The following EPG5 variants were observed in gnomAD, a reference collection of about 807,000 sequenced individuals.
The protein encoded by EPG5 is ectopic P granules protein 5 homolog.
A neutral mutation model predicts 302.7 loss-of-function variants in EPG5; 159 were observed. That is an observed-to-expected ratio of 0.53 (90% confidence interval 0.46 to 0.60). The LOEUF (loss-of-function observed/expected upper bound fraction) is 0.60. Ranked by LOEUF, EPG5 falls within the 20% of genes least tolerant of loss-of-function variation. The pLI, the probability that EPG5 is intolerant of heterozygous loss-of-function variation, is 0.00. For missense variants in EPG5, 2,896 were observed against 3,092.4 expected, an observed-to-expected ratio of 0.94 and a Z score of 1.51; for synonymous variants, 1,158 against 1,136.8, an observed-to-expected ratio of 1.02 and a Z score of -0.37.
At chr18:45,897,366 A>C (rs1190785386) in intron 27 of EPG5, among the ~76,000 whole-genome samples, 1 of 152,278 alleles carries the variant, frequency 6.6e-6, no homozygotes, top group Non-Finnish European at 1.5e-5. Flanking sequence ...TGGCAAAGAT[A>C]TGTAGTTTTA....
At chr18:45,933,624 G>A (rs557267022) in intron 11 of EPG5, among the ~76,000 whole-genome samples, 1 of 151,736 alleles carries the variant, frequency 6.6e-6, no homozygotes, top group South Asian at 2.1e-4. Flanking sequence ...GTTGCAGGGA[G>A]CTGAAGTTGC....
chr18:45,893,408 T>C (rs1158233346), intron 27 of EPG5, among the ~76,000 whole-genome samples: 1 of 151,926 alleles, frequency 6.6e-6, no homozygotes, highest in Non-Finnish European at 1.5e-5. Context: ...CTACTAAAAA[T>C]ACAAAAATTA....
In EPG5 at chr18:45,884,797, G is replaced by A. The variant is rs1568121422; in HGVS notation, c.5124C>T (p.Gly1708=). Residue 1708 remains glycine (G), a synonymous_variant, in exon 30 of 44, where the codon GGC becomes GGT. Coordinates refer to ENST00000282041, the MANE Select transcript of EPG5 (RefSeq NM_020964.3). ...IEILGQVFIS[G]IKSECRKVLE... ...GTACTTTTCTGCACTCTGATTTAAT[G>A]CCACTGATAAATACCTTGGAAAAAT... 1 of 1,556,692 alleles carries A rather than the reference G, an allele frequency of 6.4e-7. No homozygotes were observed. Among genetic ancestry groups the A allele is most frequent in the East Asian group, 2.4e-5 (1 of 40,982 alleles).
intron 29 of EPG5, among the ~76,000 whole-genome samples, chr18:45,887,449 T>A (rs947907472): frequency 2.0e-5 from 3 of 152,198 alleles, no homozygotes; most frequent in Non-Finnish European, 1.5e-5. Context: ...AACTGGGAAG[T>A]ATTTTTATAA....
rs183391028 is a variant in EPG5 at position 45,857,805 on chromosome 18, T to A, written c.7442+48A>T. The A allele has an allele frequency of 1.6e-4, 239 of 1,501,696 alleles. 2 individuals carry two copies. In the Admixed American group the frequency reaches 2.6e-3, roughly 16 times the overall value. 93.0% of individuals were successfully genotyped at this position (1,501,696 alleles called of 1,614,324 possible). ...ATCACAACCTGTAAGTAGGTACAGA[T>A]GTCTGAGGCCTATTTAGAACAACAG... On this transcript the variant is annotated intron_variant, in intron 42 of 43. Coordinates refer to ENST00000282041, the MANE Select transcript of EPG5 (RefSeq NM_020964.3).
chr18:45,931,727 C>T (rs1452671234), intron 11 of EPG5, among the ~76,000 whole-genome samples: 2 of 151,978 alleles, frequency 1.3e-5, no homozygotes, highest in African/African-American at 2.4e-5. Flanking sequence ...CCCAGCTACT[C>T]GGGAGACTGA....
At position 45,866,679 on chromosome 18, in the gene EPG5, T is replaced by C. The variant is rs2048754543; in HGVS notation, c.6621+119A>G. 3 of 779,222 alleles carry C rather than the reference T, an allele frequency of 3.8e-6. No homozygotes were observed. In the East Asian group the frequency reaches 7.3e-5, roughly 19 times the overall value. The allele number at this position is 779,222 out of a possible 1,614,324, so 48.3% of individuals were successfully genotyped here. ...AGGCCAAAAGATGAGTATATGATAA[T>C]ACACATCCTCCGACTTCCTCTGCTG... On this transcript the variant is annotated intron_variant, in intron 38 of 43. Transcript: ENST00000282041.
the EPG5 span, among the ~76,000 whole-genome samples, chr18:45,805,105 T>C: frequency 6.6e-6 from 1 of 152,034 alleles, no homozygotes; most frequent in East Asian, 1.9e-4. Context: ...AAAACATTAA[T>C]ATGTAAATTA....
Position 45,889,926 on chromosome 18 carries a change from A to G in EPG5, c.4824T>C (p.His1608=). The G allele has an allele frequency of 6.3e-7, 1 of 1,596,266 alleles. No homozygotes were observed. Among genetic ancestry groups the G allele is most frequent in the Non-Finnish European group, 8.5e-7 (1 of 1,169,818 alleles). Residue 1608 remains histidine, a synonymous_variant, in exon 28 of 44, where the codon CAT becomes CAC. Coordinates refer to ENST00000282041, the MANE Select transcript of EPG5 (RefSeq NM_020964.3). ...GCTGTTGGCTTATGGCTTCATTCTT[A>G]TGCATGCCTTCAAACTAACAAAAAT... ...AVVTVQFEGM[H]KNEAISQQLH...
At chr18:45,891,742 T>C (rs1244389564) in intron 27 of EPG5, among the ~76,000 whole-genome samples, 1 of 152,292 alleles carries the variant, frequency 6.6e-6, no homozygotes, top group East Asian at 1.9e-4. Flanking sequence ...CTAGAACATA[T>C]AATGTTAACA....
chr18:45,940,971 G>C (rs1158254841), intron 9 of EPG5, among the ~76,000 whole-genome samples: 4 of 152,166 alleles, frequency 2.6e-5, no homozygotes, highest in Admixed American at 2.0e-4. Context: ...GGAGGTGCTC[G>C]GTTGGTAGTT....
chr18:45,811,709 T>C, the EPG5 span, among the ~76,000 whole-genome samples: 1 of 152,134 alleles, frequency 6.6e-6, no homozygotes, highest in Admixed American at 6.5e-5. Flanking sequence ...TTTGACAAAA[T>C]TCAACAACAC....
chr18:45,919,514 G>T (rs1365116693), intron 16 of EPG5, among the ~76,000 whole-genome samples: 15 of 139,874 alleles, frequency 1.1e-4, no homozygotes, highest in Admixed American at 6.4e-4. Context: ...TACATGTGTG[G>T]TTTTTTTTTT....
chr18:45,801,261 C>T, the EPG5 span, among the ~76,000 whole-genome samples: 4 of 152,114 alleles, frequency 2.6e-5, no homozygotes, highest in African/African-American at 9.7e-5. Context: ...TTCTTGAACT[C>T]CTGACCTCAA....
chr18:45,954,097 G>C (rs1269055049), intron 2 of EPG5: 1 of 228,106 alleles, frequency 4.4e-6, no homozygotes, highest in Non-Finnish European at 7.3e-6. Flanking sequence ...AAAATCATAA[G>C]ATGTGGCAAT....
the EPG5 span, among the ~76,000 whole-genome samples, chr18:45,828,077 C>T: frequency 1.3e-5 from 2 of 152,200 alleles, no homozygotes. Flanking sequence ...CTTCTGGGAG[C>T]CTCTCCTCAT....
chr18:45,853,915 C>T (rs569901183), intron 43 of EPG5, among the ~76,000 whole-genome samples: 81 of 152,262 alleles, frequency 5.3e-4, no homozygotes, highest in Non-Finnish European at 5.9e-4. Context: ...GACAGTTTGC[C>T]TAACGATAAT....
At chr18:45,841,082 T>A in the EPG5 span, 1 of 152,158 alleles carries the variant, frequency 6.6e-6, no homozygotes, top group Admixed American at 6.5e-5. Context: ...TTTTAATAAA[T>A]ATGGAAACAC....
At chr18:45,939,326 G>A (rs1011110854) in intron 10 of EPG5, among the ~76,000 whole-genome samples, 1 of 152,116 alleles carries the variant, frequency 6.6e-6, no homozygotes, top group Non-Finnish European at 1.5e-5. Context: ...CCTGCTCAAG[G>A]CTGCCCCAAA....
Sources: allele counts gnomAD v4.1 joint callset (sites outside exome capture counted in the v4.1 genomes callset), GRCh38; gene constraint gnomAD v4.1.1; transcripts MANE v1.5; gene names NCBI Gene and HGNC (gene_info 2026-07-23, HGNC 2026-07-21).